The following CAMK4 variants were observed in gnomAD, a reference collection of about 807,000 sequenced individuals.
CAMK4 encodes the protein calcium/calmodulin-dependent protein kinase type IV.
CAMK4 carries 22 observed loss-of-function variants against 44.9 expected under a neutral mutation model. The ratio of observed to expected loss-of-function variants is 0.49; its 90% CI spans 0.35 to 0.70. CAMK4 has a LOEUF of 0.70. Ranked by LOEUF, CAMK4 falls within the 30% of genes least tolerant of loss-of-function variation. The pLI, the probability that CAMK4 is intolerant of heterozygous loss-of-function variation, is 0.01. For missense variants in CAMK4, 498 were observed against 586.8 expected (o/e 0.85, Z 1.56); for synonymous variants, 218 against 215.4 (o/e 1.01, Z -0.11).
intron 1 of CAMK4, among the ~76,000 whole-genome samples, chr5:111,256,547 C>G (rs1207250751): frequency 6.6e-6 from 1 of 152,056 alleles, no homozygotes; most frequent in Non-Finnish European, 1.5e-5. Flanking sequence ...TCTTGTGAAT[C>G]TAGAATTATT....
chr5:111,462,467 G>T (rs2112469011), intron 7 of CAMK4, among the ~76,000 whole-genome samples: 1 of 152,156 alleles, frequency 6.6e-6, no homozygotes, highest in East Asian at 1.9e-4. Flanking sequence ...CACACAGCAG[G>T]TGCTTAATAA....
intron 5 of CAMK4, among the ~76,000 whole-genome samples, chr5:111,399,940 A>C (rs1752161888): frequency 6.6e-6 from 1 of 152,202 alleles, no homozygotes; most frequent in Non-Finnish European, 1.5e-5. Flanking sequence ...GGATGTTCTC[A>C]GCATCAGAAT....
chr5:111,487,023 C>A lies in CAMK4; in HGVS notation c.*2557C>A, dbSNP rs1373694328. On this transcript the variant is annotated 3_prime_UTR_variant, in exon 11 of 11. Transcript: ENST00000282356. ...TTCAAAGATTTCATATACATACATC[C>A]TAAGTTAGGATAATTATGTTAACAT... 6.6e-6 allele frequency: 1 copy of A among 152,104 alleles called. No homozygotes were observed. Among genetic ancestry groups the A allele is most frequent in the Non-Finnish European group, 1.5e-5 (1 of 68,020 alleles). 9.4% of individuals were successfully genotyped at this position (152,104 alleles called of 1,614,324 possible). A position where few individuals can be genotyped will look rare whatever the true frequency, so the allele number is the denominator to read the frequency against.
intron 1 of CAMK4, among the ~76,000 whole-genome samples, chr5:111,251,168 G>GTGAT (rs1380978197): frequency 6.6e-6 from 1 of 152,192 alleles, no homozygotes; most frequent in African/African-American, 2.4e-5. Flanking sequence ...CTTTCATGAA[G>GTGAT]TGATTGTTCT....
At chr5:111,366,579 T>C (rs1750801810) in intron 2 of CAMK4, among the ~76,000 whole-genome samples, 1 of 152,146 alleles carries the variant, frequency 6.6e-6, no homozygotes, top group South Asian at 2.1e-4. Context: ...CATATGTTTT[T>C]AATTATTTCT....
intron 1 of CAMK4, among the ~76,000 whole-genome samples, chr5:111,285,431 A>G (rs952219978): frequency 7.9e-5 from 12 of 152,224 alleles, no homozygotes; most frequent in Admixed American, 2.6e-4. Flanking sequence ...GTTCAATAAC[A>G]TAATATGTCA....
intron 1 of CAMK4, among the ~76,000 whole-genome samples, chr5:111,274,488 C>T (rs1561378624): frequency 1.3e-5 from 2 of 152,216 alleles, no homozygotes; most frequent in East Asian, 3.9e-4. Flanking sequence ...GTTTGTTAAA[C>T]CATTTTCTTT....
chr5:111,224,368 G>A, upstream of CAMK4: 1 of 1,345,368 alleles, frequency 7.4e-7, no homozygotes, highest in Non-Finnish European at 9.5e-7. The surrounding 1 kb of genome is among the most constrained non-coding windows in gnomAD (Gnocchi z 5.7). Context: ...GTGTGCGCGC[G>A]TGAAGGACGC....
chr5:111,292,618 G>T (rs1434811216), intron 1 of CAMK4, among the ~76,000 whole-genome samples: 1 of 151,758 alleles, frequency 6.6e-6, no homozygotes, highest in Non-Finnish European at 1.5e-5. Flanking sequence ...TCATGAATTT[G>T]GATTTTTAAA....
At chr5:111,460,668 C>T (rs1407457358) in intron 7 of CAMK4, among the ~76,000 whole-genome samples, 11 of 152,060 alleles carry the variant, frequency 7.2e-5, no homozygotes, top group Admixed American at 6.5e-5. Context: ...CTTCATCCCA[C>T]GAAAATTGAA....
Position 111,374,855 on chromosome 5 carries a change from C to G in CAMK4, c.246C>G (p.Asp82Glu). The change falls in exon 3 of 11, where the codon GAC becomes GAG. Residue 82 changes from aspartate to glutamate, a missense_variant. By Grantham distance (45) the Asp-to-Glu change is conservative. Transcript: ENST00000282356. ...TCTTTTATTTTGCCTTTTAGGTGGA[C>G]AAAAAAATCGTAAGAACTGAGATAG... ...YALKVLKKTVDKKIVRTEIGV... is the reference protein window; with the variant it reads ...YALKVLKKTVEKKIVRTEIGV... 6.2e-7 allele frequency: 1 copy of G among 1,608,946 alleles called. No homozygotes were observed. Among genetic ancestry groups the G allele is most frequent in the Middle Eastern group, 1.7e-4 (1 of 6,042 alleles).
At chr5:111,236,070 A>G (rs1047923427) in intron 1 of CAMK4, among the ~76,000 whole-genome samples, 1 of 152,194 alleles carries the variant, frequency 6.6e-6, no homozygotes, top group Non-Finnish European at 1.5e-5. Flanking sequence ...TAAAGTGAAG[A>G]TTGTGGTAGT....
chr5:111,424,719 T>G (rs1421549651), intron 5 of CAMK4, among the ~76,000 whole-genome samples: 2 of 150,590 alleles, frequency 1.3e-5, no homozygotes, highest in Non-Finnish European at 3.0e-5. Flanking sequence ...AGTGCTGGGA[T>G]TACAGGCGTG....
intron 1 of CAMK4, among the ~76,000 whole-genome samples, chr5:111,325,826 T>G (rs1376925338): frequency 1.3e-5 from 2 of 152,122 alleles, no homozygotes; most frequent in African/African-American, 2.4e-5. Context: ...TTCTGTAGAT[T>G]GCCTGTTCAC....
intron 1 of CAMK4, among the ~76,000 whole-genome samples, chr5:111,293,400 C>G (rs1451915030): frequency 6.6e-6 from 1 of 150,742 alleles, no homozygotes; most frequent in Non-Finnish European, 1.5e-5. Context: ...CTTATTGAAA[C>G]TTTATATTCG....
intron 4 of CAMK4, among the ~76,000 whole-genome samples, chr5:111,384,724 G>A (rs1751537661): frequency 6.6e-6 from 1 of 151,916 alleles, no homozygotes; most frequent in Admixed American, 6.6e-5. Context: ...CCCTTTCCCA[G>A]TGCTTCTGCC....
chr5:111,405,437 C>A, intron 5 of CAMK4, among the ~76,000 whole-genome samples: 1 of 151,828 alleles, frequency 6.6e-6, no homozygotes, highest in African/African-American at 2.4e-5. Flanking sequence ...CACCGCACTC[C>A]AGTATGGCAA....
intron 5 of CAMK4, among the ~76,000 whole-genome samples, chr5:111,429,366 A>G (rs1056104110): frequency 6.6e-6 from 1 of 152,214 alleles, no homozygotes; most frequent in African/African-American, 2.4e-5. Context: ...CTACATGCCA[A>G]TAAATTGGAA....
chr5:111,294,836 A>G (rs1747420026), intron 1 of CAMK4, among the ~76,000 whole-genome samples: 1 of 152,188 alleles, frequency 6.6e-6, no homozygotes, highest in East Asian at 1.9e-4. Context: ...TTATGGAGTC[A>G]AGCTATTATT....
Sources: gnomAD v4.1 joint callset for allele counts (sites outside exome capture counted in the v4.1 genomes callset) on GRCh38, gnomAD v4.1.1 for gene constraint, Gnocchi (gnomAD v3.1) non-coding constraint, MANE v1.5 for transcripts, NCBI Gene and HGNC (gene_info 2026-07-23, HGNC 2026-07-21) for gene names.